Variants in NR2F1-AS1 observed in about 807,000 individuals in gnomAD.
The protein encoded by NR2F1-AS1 is NR2F1 regulatory antisense RNA 1.
intron 4 of NR2F1-AS1, among the ~76,000 whole-genome samples, chr5:93,499,791 GT>G (rs2149884989): frequency 6.6e-6 from 1 of 152,300 alleles, no homozygotes; most frequent in South Asian, 2.1e-4. Context: ...GAAATTAAAA[GT>G]GCTACTCCTG....
intron 4 of NR2F1-AS1, among the ~76,000 whole-genome samples, chr5:93,489,756 T>C (rs1750798562): frequency 6.6e-6 from 1 of 152,156 alleles, no homozygotes; most frequent in Non-Finnish European, 1.5e-5. Context: ...CTCAAGTACA[T>C]GTTTGGGGCT....
At chr5:93,443,059 C>A (rs1448355652) in intron 4 of NR2F1-AS1, among the ~76,000 whole-genome samples, 1 of 152,096 alleles carries the variant, frequency 6.6e-6, no homozygotes, top group East Asian at 1.9e-4. Flanking sequence ...TCATCAAAGA[C>A]CAAAGGTAGA....
At chr5:93,520,368 A>G (rs1054845733) in intron 4 of NR2F1-AS1, among the ~76,000 whole-genome samples, 2 of 152,094 alleles carry the variant, frequency 1.3e-5, no homozygotes, top group Non-Finnish European at 1.5e-5. Flanking sequence ...CCACAGTCCC[A>G]TTTTCACATA....
intron 1 of NR2F1-AS1, among the ~76,000 whole-genome samples, chr5:93,566,626 AT>A (rs1333613007): frequency 2.0e-5 from 3 of 149,646 alleles, no homozygotes; most frequent in Admixed American, 6.6e-5. Context: ...CTACAGAGGA[AT>A]TTTTTTTAAG....
At chr5:93,510,297 T>G (rs374799584) in intron 4 of NR2F1-AS1, among the ~76,000 whole-genome samples, 9 of 152,176 alleles carry the variant, frequency 5.9e-5, no homozygotes, top group Non-Finnish European at 1.2e-4. Context: ...CTTTTAAGTT[T>G]AGAACTTTTA....
At chr5:93,560,959 T>C (rs1290088266) in intron 2 of NR2F1-AS1, among the ~76,000 whole-genome samples, 1 of 152,244 alleles carries the variant, frequency 6.6e-6, no homozygotes, top group African/African-American at 2.4e-5. Context: ...GTGGTATTTT[T>C]GTTAACCTCT....
At chr5:93,443,305 C>T (rs772173314) in intron 4 of NR2F1-AS1, among the ~76,000 whole-genome samples, 15 of 152,030 alleles carry the variant, frequency 9.9e-5, no homozygotes, top group Admixed American at 5.2e-4. Context: ...CCTTGAAAAA[C>T]GATTAGACAA....
chr5:93,570,824 G>A (rs922418836), intron 1 of NR2F1-AS1: 16 of 152,330 alleles, frequency 1.1e-4, no homozygotes, highest in Non-Finnish European at 1.5e-4. Context: ...CGCGCGCAAG[G>A]CTCCGCGGCC....
At chr5:93,557,838 G>C (rs1752395818) in intron 2 of NR2F1-AS1, among the ~76,000 whole-genome samples, 1 of 152,144 alleles carries the variant, frequency 6.6e-6, no homozygotes, top group Non-Finnish European at 1.5e-5. Flanking sequence ...TTCAAAACTG[G>C]AGTCAATCCC....
intron 4 of NR2F1-AS1, among the ~76,000 whole-genome samples, chr5:93,512,415 A>T (rs866435284): frequency 2.6e-5 from 4 of 152,238 alleles, no homozygotes; most frequent in Non-Finnish European, 4.4e-5. Context: ...AAATGTTTTT[A>T]AAAAGTTTAT....
chr5:93,494,255 C>T (rs1426402582), intron 4 of NR2F1-AS1, among the ~76,000 whole-genome samples: 1 of 152,100 alleles, frequency 6.6e-6, no homozygotes, highest in Non-Finnish European at 1.5e-5. Flanking sequence ...AAAAGATGTT[C>T]AACATCACTG....
chr5:93,446,040 G>A (rs998196898), intron 4 of NR2F1-AS1, among the ~76,000 whole-genome samples: 3 of 152,060 alleles, frequency 2.0e-5, no homozygotes, highest in Admixed American at 6.5e-5. Flanking sequence ...AGGTATTGAC[G>A]GGACGTACAT....
At chr5:93,469,936 G>T (rs1750331071) in intron 4 of NR2F1-AS1, among the ~76,000 whole-genome samples, 1 of 151,904 alleles carries the variant, frequency 6.6e-6, no homozygotes, top group African/African-American at 2.4e-5. Context: ...TATAACAACT[G>T]TTTATAGTAT....
upstream of NR2F1-AS1, chr5:93,584,179 GC>G (rs1392556162): frequency 6.7e-6 from 1 of 148,760 alleles, no homozygotes; most frequent in African/African-American, 2.4e-5. Flanking sequence ...GCCGCGGGCG[GC>G]CCCGGCCTCC....
intron 4 of NR2F1-AS1, among the ~76,000 whole-genome samples, chr5:93,529,108 G>C (rs1191425933): frequency 2.0e-5 from 3 of 152,138 alleles, no homozygotes; most frequent in Non-Finnish European, 2.9e-5. Flanking sequence ...AGAATGTGTA[G>C]ACTTCTTAAA....
rs1196730652 is a variant in NR2F1-AS1, at chr5:93,421,340, C to T, written n.639-25798G>A. Among the ~76,000 whole-genome samples, 4 of 150,318 alleles carry T rather than the reference C, an allele frequency of 2.7e-5. No individual in the cohort carries two copies. The East Asian group carries it at 5.9e-4, about 22-fold the overall frequency. The stretch of plus-strand genomic sequence containing the variant: ...CAGAAGTTCCAGTAAGAAAAGGCTT[C>T]TTCTGGTAAACAGATTCTTTTGAGT... On this transcript the variant is annotated intron_variant and non_coding_transcript_variant, in intron 4 of 5. Coordinates refer to ENST00000660523, the Ensembl canonical transcript of NR2F1-AS1.
chr5:93,521,128 C>T (rs1751493120), intron 4 of NR2F1-AS1, among the ~76,000 whole-genome samples: 1 of 152,102 alleles, frequency 6.6e-6, no homozygotes, highest in Non-Finnish European at 1.5e-5. Context: ...AAAAGACTCG[C>T]TATTCAATAA....
At chr5:93,500,906 C>T (rs571788342) in intron 4 of NR2F1-AS1, among the ~76,000 whole-genome samples, 7 of 152,214 alleles carry the variant, frequency 4.6e-5, no homozygotes, top group South Asian at 2.1e-4. Flanking sequence ...GAGCCACCTG[C>T]GCCCTACCTC....
At chr5:93,485,751 T>A (rs1750699824) in intron 4 of NR2F1-AS1, among the ~76,000 whole-genome samples, 1 of 151,854 alleles carries the variant, frequency 6.6e-6, no homozygotes, top group South Asian at 2.1e-4. Flanking sequence ...GACCCAGCCA[T>A]CCCATTACTG....
Sources: allele counts gnomAD v4.1 joint callset (sites outside exome capture counted in the v4.1 genomes callset), GRCh38; gene constraint gnomAD v4.1.1; transcripts MANE v1.5; gene names NCBI Gene and HGNC (gene_info 2026-07-23, HGNC 2026-07-21).